Variants in PTPRK observed in about 807,000 individuals in gnomAD.
The protein encoded by PTPRK is protein tyrosine phosphatase receptor type K.
A neutral mutation model predicts 178.0 loss-of-function variants in PTPRK; 75 were observed. The observed-to-expected ratio is 0.42, with a 90% CI of 0.35 to 0.51. The LOEUF (loss-of-function observed/expected upper bound fraction) is 0.51, where lower values mean the gene tolerates loss of function less well. Among genes scored for constraint, PTPRK ranks in the 20% least tolerant of loss-of-function variants. The probability of loss-of-function intolerance (pLI) is 0.02; values close to 1 mark genes in which losing one functional copy is unlikely to be tolerated. For synonymous variants in PTPRK, 637 were observed against 620.6 expected, an observed-to-expected ratio of 1.03 and a Z score of -0.39; for missense variants, 1,441 against 1,797.8, an observed-to-expected ratio of 0.80 and a Z score of 3.59.
intron 7 of PTPRK, among the ~76,000 whole-genome samples, chr6:128,122,213 G>A (rs1374911827): frequency 6.6e-6 from 1 of 152,124 alleles, no homozygotes; most frequent in African/African-American, 2.4e-5. Context: ...TTTGGGGGAA[G>A]ACACAAGTTA....
At chr6:128,272,140 A>C (rs527838883) in intron 3 of PTPRK, among the ~76,000 whole-genome samples, 2 of 152,272 alleles carry the variant, frequency 1.3e-5, no homozygotes, top group African/African-American at 4.8e-5. Flanking sequence ...GGTGCTGGAA[A>C]AACTGGCTAG....
At chr6:128,188,933 A>T (rs1189865050) in intron 6 of PTPRK, among the ~76,000 whole-genome samples, 1 of 152,158 alleles carries the variant, frequency 6.6e-6, no homozygotes. Context: ...ATAATCCAGC[A>T]TCTTCTCACC....
At chr6:128,119,134 A>C (rs1023296635) in intron 7 of PTPRK, among the ~76,000 whole-genome samples, 1 of 152,176 alleles carries the variant, frequency 6.6e-6, no homozygotes, top group Non-Finnish European at 1.5e-5. Context: ...AATTAAATGG[A>C]ATCTAAGCTA....
chr6:128,054,180 G>A (rs1205464375), intron 13 of PTPRK, among the ~76,000 whole-genome samples: 4 of 152,118 alleles, frequency 2.6e-5, no homozygotes, highest in Admixed American at 1.3e-4. Context: ...TTATTCTTTA[G>A]ATGTAAAGCA....
intron 2 of PTPRK, among the ~76,000 whole-genome samples, chr6:128,347,354 CTT>C (rs560217891): frequency 8.8e-4 from 134 of 152,212 alleles, no homozygotes; most frequent in African/African-American, 3.1e-3. Flanking sequence ...TACCTTCTCT[CTT>C]ATCATACGGC....
intron 7 of PTPRK, among the ~76,000 whole-genome samples, chr6:128,160,123 A>T (rs1583274089): frequency 6.6e-6 from 1 of 151,762 alleles, no homozygotes; most frequent in Non-Finnish European, 1.5e-5. Flanking sequence ...TAATATTTTC[A>T]TACTCTAACA....
intron 6 of PTPRK, among the ~76,000 whole-genome samples, chr6:128,185,997 C>G (rs1019181501): frequency 1.3e-5 from 2 of 152,036 alleles, no homozygotes; most frequent in African/African-American, 2.4e-5. Context: ...AGCTTAAAAG[C>G]CTCTGAATTA....
chr6:128,265,256 A>G (rs1183044721), intron 3 of PTPRK, among the ~76,000 whole-genome samples: 4 of 152,156 alleles, frequency 2.6e-5, no homozygotes, highest in Admixed American at 1.3e-4. Context: ...CAAAAGCTAC[A>G]TGATTTAGGA....
chr6:128,277,999 G>A (rs909639907), intron 3 of PTPRK, among the ~76,000 whole-genome samples: 2 of 152,192 alleles, frequency 1.3e-5, no homozygotes, highest in Non-Finnish European at 2.9e-5. Context: ...CTACAAATCA[G>A]TGTTTCCAAA....
rs1421881869 is a variant in PTPRK at position 128,151,844 on chromosome 6, T to C, written c.1162+32588A>G. On this transcript the variant is annotated intron_variant, in intron 7 of 29. Coordinates refer to ENST00000368226, the MANE Select transcript of PTPRK (RefSeq NM_002844.4). Reference sequence around the variant, plus strand: ...CAAGAATGATAAAAAGGCAATTCTTTGAAACTTTCACTAATGAAGAAAAAA... The same window carrying C: ...CAAGAATGATAAAAAGGCAATTCTTCGAAACTTTCACTAATGAAGAAAAAA... Among the ~76,000 whole-genome samples the C allele has an allele frequency of 7.9e-5, 12 of 152,070 alleles. No individual in the cohort carries two copies. In the South Asian group the frequency reaches 2.5e-3, roughly 32 times the overall value.
chr6:128,342,549 A>G (rs1461920973), intron 2 of PTPRK, among the ~76,000 whole-genome samples: 4 of 151,928 alleles, frequency 2.6e-5, no homozygotes, highest in African/African-American at 9.7e-5. Flanking sequence ...TATTTAAACT[A>G]AACACAGTTA....
At chr6:128,404,583 T>G (rs1841431278) in intron 1 of PTPRK, among the ~76,000 whole-genome samples, 1 of 152,174 alleles carries the variant, frequency 6.6e-6, no homozygotes, top group Non-Finnish European at 1.5e-5. Flanking sequence ...AATCCAAATC[T>G]TACCTAATTT....
At chr6:128,308,905 G>A (rs182468908) in intron 3 of PTPRK, among the ~76,000 whole-genome samples, 7 of 152,230 alleles carry the variant, frequency 4.6e-5, no homozygotes, top group East Asian at 1.9e-4. Context: ...CAGTGGACAC[G>A]TGGTGTACAC....
chr6:128,142,101 A>C (rs1277859892), intron 7 of PTPRK, among the ~76,000 whole-genome samples: 1 of 151,904 alleles, frequency 6.6e-6, no homozygotes, highest in Non-Finnish European at 1.5e-5. Context: ...ATATATGCAT[A>C]TGTCAAGTAT....
chr6:128,372,368 C>T (rs1836419622), intron 2 of PTPRK, among the ~76,000 whole-genome samples: 2 of 152,026 alleles, frequency 1.3e-5, no homozygotes, highest in Admixed American at 1.3e-4. Context: ...TTTTTTAACG[C>T]TTTGGGTGTG....
At chr6:128,152,790 G>A (rs561518863) in intron 7 of PTPRK, among the ~76,000 whole-genome samples, 21 of 152,014 alleles carry the variant, frequency 1.4e-4, no homozygotes, top group African/African-American at 5.1e-4. Context: ...TGCTTAGAGT[G>A]GACAGATCGT....
At chr6:128,288,815 T>A (rs1822924575) in intron 3 of PTPRK, among the ~76,000 whole-genome samples, 1 of 152,170 alleles carries the variant, frequency 6.6e-6, no homozygotes, top group South Asian at 2.1e-4. Context: ...GGAACCTAGC[T>A]TTGAAAACTG....
At position 128,520,361 on chromosome 6, in the gene PTPRK, C is replaced by A. The variant is rs778573743; in HGVS notation, c.-3G>T. On this transcript the variant is annotated 5_prime_UTR_variant, in exon 1 of 30. Transcript: ENST00000368226. ...GCCGCCGCCGCAGTCGTATCCATGC[C>A]GAGTTTGGGAGAAGTTTCAAGCAGC... is the stretch of plus-strand genomic sequence containing the variant. The A allele has an allele frequency of 6.2e-7, 1 of 1,603,440 alleles. No homozygotes were observed. The highest frequency in any genetic ancestry group is 8.5e-7 in the Non-Finnish European group (1 of 1,174,686).
chr6:128,264,707 A>C (rs181966471), intron 3 of PTPRK, among the ~76,000 whole-genome samples: 2 of 152,144 alleles, frequency 1.3e-5, no homozygotes, highest in Admixed American at 1.3e-4. Flanking sequence ...AACACTTGCT[A>C]GGTGTTAATA....
Sources: gnomAD v4.1 joint callset for allele counts (sites outside exome capture counted in the v4.1 genomes callset) on GRCh38, gnomAD v4.1.1 for gene constraint, MANE v1.5 for transcripts, NCBI Gene and HGNC (gene_info 2026-07-23, HGNC 2026-07-21) for gene names.